Variants in AIPL1 observed in about 807,000 individuals in gnomAD.
AIPL1 encodes aryl-hydrocarbon-interacting protein-like 1.
AIPL1 carries 23 observed loss-of-function variants against 32.9 expected under a neutral mutation model. That is an observed-to-expected ratio of 0.70 (90% CI 0.50 to 0.99). The LOEUF is 0.99. Among genes scored for constraint, AIPL1 ranks in the 50% least tolerant of loss-of-function variants. The pLI, the probability that AIPL1 is intolerant of heterozygous loss-of-function variation, is 0.00. For missense variants in AIPL1, 485 were observed against 506.0 expected, an observed-to-expected ratio of 0.96 and a Z score of 0.40; for synonymous variants, 210 against 209.4, an observed-to-expected ratio of 1.00 and a Z score of -0.02.
In AIPL1 at chr17:6,425,277, A is replaced by G; in HGVS notation, c.*183T>C. The G allele has an allele frequency of 2.8e-6, 2 of 723,428 alleles. No homozygotes were observed. The highest frequency in any genetic ancestry group is 4.1e-6 in the Non-Finnish European group (2 of 487,064). 44.8% of individuals were successfully genotyped at this position (723,428 alleles called of 1,614,324 possible). A position where few individuals can be genotyped will look rare whatever the true frequency, so the allele number is the denominator to read the frequency against. ...AGGGGTAGAGGAGAAAACTACTTTT[A>G]TTCATAAGCTCTTCTGTACCCTTGG... is the stretch of plus-strand genomic sequence containing the variant. On this transcript the variant is annotated 3_prime_UTR_variant, in exon 6 of 6. Coordinates refer to ENST00000381129, the MANE Select transcript of AIPL1 (RefSeq NM_014336.5).
Position 6,425,103 on chromosome 17 carries a change from T to C in AIPL1, c.*357A>G, listed in dbSNP as rs966211978. 1.6e-5 allele frequency: 3 copies of C among 186,538 alleles called. No individual in the cohort carries two copies. The Admixed American group carries it at 1.7e-4, about 11-fold the overall frequency. 11.6% of individuals were successfully genotyped at this position (186,538 alleles called of 1,614,324 possible). Reference sequence around the variant, plus strand: ...GGGAGACAGGGAGGGGTATCAGGCATGAGAAAGGATCAGAGCATCAAATCC... The same window carrying C: ...GGGAGACAGGGAGGGGTATCAGGCACGAGAAAGGATCAGAGCATCAAATCC... On this transcript the variant is annotated 3_prime_UTR_variant, in exon 6 of 6. Transcript: ENST00000381129.
At chr17:6,425,886 C>A (rs1467070390) in intron 5 of AIPL1, 56 bp from the exon 6 acceptor site, 2 of 1,577,720 alleles carry the variant, frequency 1.3e-6, no homozygotes, top group Non-Finnish European at 1.7e-6. Context: ...CAGAGGCAGC[C>A]CCAGCCCAGC....
chr17:6,426,329 GC>G (rs1911949125), intron 5 of AIPL1: 1 of 1,389,236 alleles, frequency 7.2e-7, no homozygotes, highest in African/African-American at 1.5e-5. Flanking sequence ...TATATTGATT[GC>G]CCCTCTTTTT....
At chr17:6,425,856 T>C (rs755210824) in intron 5 of AIPL1, 26 bp from the exon 6 acceptor site, 20 of 1,598,178 alleles carry the variant, frequency 1.3e-5, no homozygotes, top group Admixed American at 1.7e-5. Context: ...AGCATCCAGC[T>C]ACAGCTCCCT....
Position 6,425,630 on chromosome 17 carries a change from G to A in AIPL1, c.985C>T (p.Gln329Ter), listed in dbSNP as rs1208703297. The A allele has an allele frequency of 4.3e-6, 7 of 1,612,746 alleles. No individual in the cohort carries two copies. Among genetic ancestry groups the A allele is most frequent in the Non-Finnish European group, 5.9e-6 (7 of 1,179,896 alleles). ...TCTGCGGGAGGCTGCGTGGCACCCT[G>A]GCTCAGCATGTTCCGGCAGCGCAGC... ...ERLRCRNMLS[Q>*]GATQPPAEPP... is the part of the protein sequence containing the mutation. The change falls in exon 6 of 6, where the codon CAG (glutamine) becomes TAG (stop). Residue 329 changes from glutamine (Q) to a stop codon, truncating the protein, a stop_gained. Coordinates refer to ENST00000381129, the MANE Select transcript of AIPL1 (RefSeq NM_014336.5). LOFTEE classifies it low-confidence loss of function (END_TRUNC).
At chr17:6,426,327 T>C in intron 5 of AIPL1, 1 of 1,387,530 alleles carries the variant, frequency 7.2e-7, no homozygotes, top group Non-Finnish European at 9.3e-7. Flanking sequence ...CCTATATTGA[T>C]TGCCCCTCTT....
rs1040709939 is a variant in AIPL1 at position 6,424,344 on chromosome 17, A to G, written c.*1116T>C. 3 of 150,740 alleles carry G rather than the reference A, an allele frequency of 2.0e-5. No homozygotes were observed. The highest frequency in any genetic ancestry group is 7.3e-5 in the African/African-American group (3 of 41,024). The allele number at this position is 150,740 out of a possible 1,614,324, so 9.3% of individuals were successfully genotyped here. ...AAGACCCCAGGACCCAGAAGTTACT[A>G]CTCCTTCCCTAGAAATCTTTGTATA... On this transcript the variant is annotated 3_prime_UTR_variant, in exon 6 of 6. Coordinates refer to ENST00000381129, the MANE Select transcript of AIPL1 (RefSeq NM_014336.5).
At position 6,425,473 on chromosome 17, in the gene AIPL1, G is replaced by T; in HGVS notation, c.1142C>A (p.Ser381Ter). Residue 381 changes from serine (S) to a stop codon, truncating the protein, a stop_gained, in exon 6 of 6, where the codon TCG becomes TAG. Transcript: ENST00000381129. LOFTEE classifies it high-confidence loss of function. Reference protein sequence around the residue: ...ATEPPPSPGHSLQH With the variant: ...ATEPPPSPGH ...GCCTCAGGGGGCTCAGTGCTGCAGC[G>T]AGTGCCCTGGGGACGGGGGTGGCTC... is the stretch of plus-strand genomic sequence containing the variant. 1.3e-6 allele frequency: 2 copies of T among 1,599,254 alleles called. No homozygotes were observed. The highest frequency in any genetic ancestry group is 1.7e-6 in the Non-Finnish European group (2 of 1,175,890).
chr17:6,426,835 C>A (rs1432865606), intron 4 of AIPL1, 46 bp downstream of exon 4: 7 of 1,612,890 alleles, frequency 4.3e-6, no homozygotes, highest in Non-Finnish European at 5.9e-6. Context: ...TGGGCAGGCC[C>A]CCCAGAGTCA....
In AIPL1 at chr17:6,426,723, C is replaced by G; in HGVS notation, c.676G>C (p.Glu226Gln). Reference sequence around the variant, plus strand: ...AGGATCAGAGTATTGATCATCTTCTCCAGCTTCAGCCACTGCACCTCCCAT... The same window carrying G: ...AGGATCAGAGTATTGATCATCTTCTGCAGCTTCAGCCACTGCACCTCCCAT... ...KPWEVQWLKLEKMINTLILNY... is the reference protein window; with the variant it reads ...KPWEVQWLKLQKMINTLILNY... Residue 226 changes from glutamate to glutamine, a missense_variant, in exon 5 of 6, where the codon GAG becomes CAG. Glu to Gln is a conservative substitution (Grantham distance 29). Coordinates refer to ENST00000381129, the MANE Select transcript of AIPL1 (RefSeq NM_014336.5). The G allele has an allele frequency of 6.2e-7, 1 of 1,614,066 alleles. No homozygotes were observed.
chr17:6,426,135 G>A (rs1911925382), intron 5 of AIPL1: 2 of 1,309,272 alleles, frequency 1.5e-6, no homozygotes, highest in Non-Finnish European at 9.8e-7. Flanking sequence ...TCCCTCATAT[G>A]GTGATTATGA....
intron 2 of AIPL1, among the ~76,000 whole-genome samples, chr17:6,429,926 C>T (rs988458552): frequency 5.3e-5 from 8 of 152,056 alleles, no homozygotes; most frequent in Middle Eastern, 3.4e-3. Flanking sequence ...TGCATAGTGA[C>T]GGAAGACTGG....
At position 6,425,162 on chromosome 17, in the gene AIPL1, A is replaced by G. The variant is rs1265432923; in HGVS notation, c.*298T>C. ...CATTGACATGGGGTAAAATCTAGAA[A>G]CTGATTTAAACAGATTACTTGGAAA... On this transcript the variant is annotated 3_prime_UTR_variant, in exon 6 of 6. Coordinates refer to ENST00000381129, the MANE Select transcript of AIPL1 (RefSeq NM_014336.5). 3.3e-6 allele frequency: 1 copy of G among 298,828 alleles called. No individual in the cohort carries two copies. The highest frequency in any genetic ancestry group is 2.2e-5 in the African/African-American group (1 of 46,486). 18.5% of individuals were successfully genotyped at this position (298,828 alleles called of 1,614,324 possible).
intron 2 of AIPL1, among the ~76,000 whole-genome samples, chr17:6,431,725 G>T (rs1912623391): frequency 1.3e-5 from 2 of 152,134 alleles, no homozygotes; most frequent in Non-Finnish European, 2.9e-5. Context: ...ATGAGTCTGG[G>T]TATCTGCCAC....
chr17:6,431,848 G>A (rs375817701), intron 2 of AIPL1, among the ~76,000 whole-genome samples: 12 of 152,146 alleles, frequency 7.9e-5, no homozygotes, highest in African/African-American at 2.9e-4. Context: ...TGTGATGTAC[G>A]TCTCCCAAAG....
chr17:6,434,528 T>G (rs1912980708), intron 1 of AIPL1, among the ~76,000 whole-genome samples: 1 of 152,020 alleles, frequency 6.6e-6, no homozygotes, highest in Non-Finnish European at 1.5e-5. Context: ...ATCTGGCTAA[T>G]TTTTGTATTT....
chr17:6,429,787 G>A (rs1442839338), intron 2 of AIPL1, among the ~76,000 whole-genome samples: 2 of 151,770 alleles, frequency 1.3e-5, no homozygotes, highest in African/African-American at 4.8e-5. Flanking sequence ...CCCAGTGAAT[G>A]TTTTCTAACT....
rs772502761 is a variant in AIPL1, at chr17:6,426,925, T to G, written c.598A>C (p.Lys200Gln). ...KLGRYEEASS[K>Q]YQEAIICLRN... Reference sequence around the variant, plus strand: ...AGGCAGATGATGGCCTCCTGGTACTTGGAAGAGGCCTCCTCGTAGCGGCCC... The same window carrying G: ...AGGCAGATGATGGCCTCCTGGTACTGGGAAGAGGCCTCCTCGTAGCGGCCC... Residue 200 changes from lysine (K) to glutamine (Q), a missense_variant, in exon 4 of 6, where the codon AAG becomes CAG. Transcript: ENST00000381129. 6 of 1,614,094 alleles carry G rather than the reference T, an allele frequency of 3.7e-6. No homozygotes were observed. In the South Asian group the frequency reaches 6.6e-5, roughly 18 times the overall value.
At chr17:6,428,217 A>G in intron 3 of AIPL1, 101 bp downstream of exon 3, 1 of 1,292,756 alleles carries the variant, frequency 7.7e-7, no homozygotes, top group Non-Finnish European at 1.1e-6. Context: ...AAACAGAAAC[A>G]GGGCACTGTC....
Sources: gnomAD v4.1 joint callset for allele counts (sites outside exome capture counted in the v4.1 genomes callset) on GRCh38, gnomAD v4.1.1 for gene constraint, MANE v1.5 for transcripts, NCBI Gene and HGNC (gene_info 2026-07-23, HGNC 2026-07-21) for gene names.